The following AGK variants were observed in gnomAD, a reference collection of about 807,000 sequenced individuals.
The protein encoded by AGK is acylglycerol kinase.
Under a neutral mutation model 66.4 loss-of-function variants are expected in AGK, and 52 were observed. The observed-to-expected ratio is 0.78, with a 90% CI of 0.63 to 0.99. The LOEUF is 0.99. AGK is among the 50% of genes least tolerant of loss of function. AGK has a pLI of 0.00. For synonymous variants in AGK, 182 were observed against 181.1 expected (o/e 1.00, Z -0.04); for missense variants, 451 against 506.6 (o/e 0.89, Z 1.05).
intron 13 of AGK, among the ~76,000 whole-genome samples, chr7:141,642,752 CATAA>C (rs1313840075): frequency 1.3e-5 from 2 of 152,100 alleles, no homozygotes; most frequent in African/African-American, 2.4e-5. Flanking sequence ...TTTCAGTATC[CATAA>C]ATAAAGTTTT....
At chr7:141,595,129 AT>A (rs1463284694) in intron 3 of AGK, among the ~76,000 whole-genome samples, 2 of 152,184 alleles carry the variant, frequency 1.3e-5, no homozygotes, top group Non-Finnish European at 2.9e-5. Flanking sequence ...CATAAACTTA[AT>A]GTAGTCTCAC....
chr7:141,558,305 G>A (rs986647100), intron 2 of AGK, among the ~76,000 whole-genome samples: 4 of 151,008 alleles, frequency 2.6e-5, no homozygotes, highest in East Asian at 1.9e-4. Context: ...CTACAGGCGC[G>A]TGCACCATGC....
Position 141,568,738 on chromosome 7 carries a change from A to AT in AGK, c.101+13180dup, listed in dbSNP as rs780481174. On this transcript the variant is annotated intron_variant, in intron 2 of 15. Coordinates refer to ENST00000649286, the MANE Select transcript of AGK (RefSeq NM_018238.4). ...ATGTGTGTGCCACCATGTCCGGCTA[A>AT]TTTTTTTTTGTATTTTTAGTAGAGA... is the stretch of plus-strand genomic sequence containing the variant. Among the ~76,000 whole-genome samples the AT allele has an allele frequency of 2.1e-4, 31 of 150,814 alleles. 1 individual carries two copies. The highest frequency in any genetic ancestry group is 1.3e-3 in the South Asian group (6 of 4,744).
intron 9 of AGK, among the ~76,000 whole-genome samples, chr7:141,631,303 T>C (rs1797050167): frequency 3.9e-5 from 6 of 152,142 alleles, no homozygotes; most frequent in Admixed American, 3.9e-4. Context: ...TTTTCAGAGG[T>C]AGAAGCCAAC....
At chr7:141,631,609 C>T (rs1037216122) in intron 9 of AGK, among the ~76,000 whole-genome samples, 1 of 152,160 alleles carries the variant, frequency 6.6e-6, no homozygotes, top group Non-Finnish European at 1.5e-5. Context: ...TCTGTTCTTA[C>T]CACTCTGGTC....
At chr7:141,648,014 G>A (rs912769662) in intron 13 of AGK, among the ~76,000 whole-genome samples, 3 of 152,190 alleles carry the variant, frequency 2.0e-5, no homozygotes, top group African/African-American at 7.2e-5. Context: ...ACCAGAGTCT[G>A]AATGTTACCT....
chr7:141,620,478 G>A (rs1796799241), intron 8 of AGK, among the ~76,000 whole-genome samples: 1 of 152,162 alleles, frequency 6.6e-6, no homozygotes, highest in Non-Finnish European at 1.5e-5. Flanking sequence ...TGTATCTGAA[G>A]GAGAAGGTAG....
chr7:141,592,577 G>A (rs1421929706), intron 2 of AGK, among the ~76,000 whole-genome samples: 4 of 152,154 alleles, frequency 2.6e-5, no homozygotes, highest in Admixed American at 1.3e-4. Context: ...GGATTCGGAT[G>A]TGGAAATTTT....
intron 13 of AGK, among the ~76,000 whole-genome samples, chr7:141,647,790 C>G (rs1289030329): frequency 6.6e-6 from 1 of 152,202 alleles, no homozygotes; most frequent in Non-Finnish European, 1.5e-5. Context: ...CCCGCCTCAG[C>G]CTCCCGAGTA....
At chr7:141,590,739 G>C (rs1316512356) in intron 2 of AGK, among the ~76,000 whole-genome samples, 4 of 152,104 alleles carry the variant, frequency 2.6e-5, no homozygotes, top group Admixed American at 6.5e-5. Context: ...ACCTCATCTT[G>C]TATATTTTTG....
chr7:141,651,653 G>A (rs374584814), intron 15 of AGK, 44 bp downstream of exon 15: 84 of 1,557,220 alleles, frequency 5.4e-5, no homozygotes, highest in African/African-American at 6.8e-5. Flanking sequence ...TGATTCGTTC[G>A]TCATCGGCCT....
At chr7:141,649,763 G>A (rs1053321053) in intron 14 of AGK, among the ~76,000 whole-genome samples, 2 of 152,260 alleles carry the variant, frequency 1.3e-5, no homozygotes, top group African/African-American at 4.8e-5. Context: ...CCTTGAGTAA[G>A]AGAATGTGTG....
Position 141,572,803 on chromosome 7 carries a change from T to TG in AGK, c.101+17245dup, listed in dbSNP as rs34781649. 9.1e-3 allele frequency among the ~76,000 whole-genome samples: 1,370 copies of TG among 151,194 alleles called. 11 individuals carry two copies. The highest frequency in any genetic ancestry group is 0.018 in the African/African-American group (733 of 41,192). On this transcript the variant is annotated intron_variant, in intron 2 of 15. Coordinates refer to ENST00000649286, the MANE Select transcript of AGK (RefSeq NM_018238.4). ...TTGAGTTTGAAACCCCGACAGGCTA[T>TG]GGGGGGGGGAAATGTGTTGGATGCC...
chr7:141,632,230 T>C (rs529883677), intron 9 of AGK, among the ~76,000 whole-genome samples: 146 of 127,122 alleles, frequency 1.1e-3, no homozygotes, highest in African/African-American at 3.9e-3. Flanking sequence ...AAACTCCGTC[T>C]AAAAAAAAAA....
rs113844697 is a variant in AGK at position 141,581,787 on chromosome 7, A to C, written c.102-11359A>C. Among the ~76,000 whole-genome samples the C allele has an allele frequency of 2.2e-3, 330 of 151,978 alleles. 6 individuals are homozygous for C. The highest frequency in any genetic ancestry group is 7.3e-3 in the African/African-American group (300 of 41,288). On this transcript the variant is annotated intron_variant, in intron 2 of 15. Coordinates refer to ENST00000649286, the MANE Select transcript of AGK (RefSeq NM_018238.4). ...GTCAGGGAGGCAGATAATTTAGTTA[A>C]AATGCCTAGACCTAATAAGGGAGCT...
chr7:141,597,754 G>A (rs960772652), intron 4 of AGK, among the ~76,000 whole-genome samples: 1 of 151,604 alleles, frequency 6.6e-6, no homozygotes, highest in African/African-American at 2.4e-5. Flanking sequence ...AGACACACGT[G>A]GTAGCATTTA....
chr7:141,573,395 CCT>C (rs1795658542), intron 2 of AGK, among the ~76,000 whole-genome samples: 1 of 151,872 alleles, frequency 6.6e-6, no homozygotes, highest in Non-Finnish European at 1.5e-5. Flanking sequence ...TGCTTCCTCC[CCT>C]CTCTCTTGGG....
At position 141,633,889 on chromosome 7, in the gene AGK, T is replaced by C; in HGVS notation, c.589-12T>C. On this transcript the variant is annotated splice_polypyrimidine_tract_variant and intron_variant, in intron 9 of 15. Coordinates refer to ENST00000649286, the MANE Select transcript of AGK (RefSeq NM_018238.4). ...TAGTCATGAATTTAAATGAAATGTA[T>C]TTAACTTCCAGGGTGAAAAGGAACA... 1 of 1,610,476 alleles carries C rather than the reference T, an allele frequency of 6.2e-7. No homozygotes were observed. Among genetic ancestry groups the C allele is most frequent in the African/African-American group, 1.3e-5 (1 of 74,970 alleles).
intron 2 of AGK, among the ~76,000 whole-genome samples, chr7:141,579,105 A>T (rs1177460091): frequency 6.6e-6 from 1 of 152,094 alleles, no homozygotes; most frequent in Non-Finnish European, 1.5e-5. Context: ...GTCTGGAATG[A>T]GACTGGGGCC....
Sources: allele counts gnomAD v4.1 joint callset (sites outside exome capture counted in the v4.1 genomes callset), GRCh38; gene constraint gnomAD v4.1.1; transcripts MANE v1.5; gene names NCBI Gene and HGNC (gene_info 2026-07-23, HGNC 2026-07-21).